Variants in PLEKHA5 observed in about 807,000 individuals in gnomAD.
PLEKHA5 encodes pleckstrin homology domain containing A5.
In PLEKHA5, 55 loss-of-function variants were observed where a neutral mutation model predicts 181.9. The observed-to-expected ratio is 0.30, with a 90% CI of 0.24 to 0.38. The LOEUF (loss-of-function observed/expected upper bound fraction) is 0.38. PLEKHA5 is among the 10% of genes least tolerant of loss of function. PLEKHA5 has a pLI of 1.00. For synonymous variants in PLEKHA5, 535 were observed against 529.4 expected (o/e 1.01, Z -0.15); for missense variants, 1,432 against 1,549.5 (o/e 0.92, Z 1.27).
At chr12:19,352,577 C>CT (rs34607449) in intron 25 of PLEKHA5, among the ~76,000 whole-genome samples, 11,635 of 110,032 alleles carry the variant, frequency 0.11, 598 homozygotes, top group Middle Eastern at 0.14. Context: ...ACAAAGAAGG[C>CT]TTTTTTTTTT....
At chr12:19,190,092 C>A (rs1407624889) in intron 3 of PLEKHA5, among the ~76,000 whole-genome samples, 1 of 152,162 alleles carries the variant, frequency 6.6e-6, no homozygotes. Flanking sequence ...GAGTCTTACT[C>A]TTTGAACTCT....
intron 2 of PLEKHA5, 34 bp from the exon 3 acceptor site, chr12:19,132,359 A>T: frequency 9.9e-7 from 1 of 1,006,136 alleles, no homozygotes; most frequent in Non-Finnish European, 1.6e-6. Context: ...CTATCATTGA[A>T]GTAATACTAA....
chr12:19,239,430 T>C (rs1199093270), intron 3 of PLEKHA5, among the ~76,000 whole-genome samples: 1 of 152,158 alleles, frequency 6.6e-6, no homozygotes, highest in Non-Finnish European at 1.5e-5. Flanking sequence ...CTATTCTGGA[T>C]TGAATTTCTG....
At position 19,130,209 on chromosome 12, in the gene PLEKHA5, G is replaced by A. The variant is rs1400119776; in HGVS notation, c.169+79G>A. ...CGGGCCGCCCGGCTCCCCGCAACCT[G>A]CCCCGCGCCGCGGGCCCCGGGAGGC... On this transcript the variant is annotated intron_variant, in intron 2 of 31. Coordinates refer to ENST00000429027, the MANE Select transcript of PLEKHA5 (RefSeq NM_001256470.2). The surrounding 1 kb of genome is among the most constrained non-coding windows in gnomAD (Gnocchi z 4.5). The A allele has an allele frequency of 5.1e-5, 41 of 808,350 alleles. 1 individual carries two copies. In the East Asian group the frequency reaches 1.3e-3, roughly 26 times the overall value. The allele number at this position is 808,350 out of a possible 1,614,324, so 50.1% of individuals were successfully genotyped here.
chr12:19,280,334 C>T (rs2075777546), intron 11 of PLEKHA5, among the ~76,000 whole-genome samples: 2 of 152,052 alleles, frequency 1.3e-5, no homozygotes, highest in Non-Finnish European at 2.9e-5. Flanking sequence ...CTGCACCCAG[C>T]CTGAAATCTT....
intron 3 of PLEKHA5, among the ~76,000 whole-genome samples, chr12:19,132,773 CTTTTTTTTTT>C (rs59992820): frequency 6.2e-5 from 7 of 112,124 alleles, no homozygotes; most frequent in South Asian, 3.0e-4. Context: ...CCACAATTAC[CTTTTTTTTTT>C]TTTTTTTTTG....
intron 3 of PLEKHA5, among the ~76,000 whole-genome samples, chr12:19,245,432 G>C (rs1352039840): frequency 1.3e-5 from 2 of 152,094 alleles, no homozygotes; most frequent in Non-Finnish European, 2.9e-5. Context: ...ATTGGACATA[G>C]AATCTCATAT....
At chr12:19,189,541 G>C (rs1159303348) in intron 3 of PLEKHA5, among the ~76,000 whole-genome samples, 1 of 152,108 alleles carries the variant, frequency 6.6e-6, no homozygotes, top group South Asian at 2.1e-4. Context: ...AGGGGGTCAG[G>C]GAGGAGTTGT....
At chr12:19,319,838 A>G in intron 16 of PLEKHA5, 183 bp from the exon 17 acceptor site, 1 of 428,488 alleles carries the variant, frequency 2.3e-6, no homozygotes, top group Non-Finnish European at 4.1e-6. Flanking sequence ...TGAAGAAAGG[A>G]TATTTAAGTA....
At chr12:19,219,128 T>G (rs1329132754) in intron 3 of PLEKHA5, among the ~76,000 whole-genome samples, 1 of 152,010 alleles carries the variant, frequency 6.6e-6, no homozygotes, top group East Asian at 1.9e-4. Flanking sequence ...TACAGTATTC[T>G]CAGGATGCAA....
At chr12:19,281,423 A>G (rs1234020032) in intron 11 of PLEKHA5, among the ~76,000 whole-genome samples, 1 of 151,892 alleles carries the variant, frequency 6.6e-6, no homozygotes, top group Non-Finnish European at 1.5e-5. Context: ...CAAAAGTACA[A>G]AAAATTAGCT....
At chr12:19,237,995 C>T (rs755274301) in intron 3 of PLEKHA5, among the ~76,000 whole-genome samples, 3 of 151,944 alleles carry the variant, frequency 2.0e-5, no homozygotes, top group African/African-American at 7.2e-5. Context: ...CAAAGTCTTA[C>T]ATTTTGCTAT....
chr12:19,300,366 T>G (rs760184283), intron 15 of PLEKHA5, among the ~76,000 whole-genome samples: 2 of 152,228 alleles, frequency 1.3e-5, no homozygotes, highest in African/African-American at 2.4e-5. Flanking sequence ...AAACAAAATG[T>G]CCCTACCTAT....
At chr12:19,312,636 C>T (rs2086974227) in intron 15 of PLEKHA5, among the ~76,000 whole-genome samples, 1 of 152,172 alleles carries the variant, frequency 6.6e-6, no homozygotes, top group African/African-American at 2.4e-5. Flanking sequence ...AGAGTTAGGG[C>T]CTTGCTCTGG....
chr12:19,257,834 A>G (rs1428960491), intron 6 of PLEKHA5, among the ~76,000 whole-genome samples: 1 of 152,172 alleles, frequency 6.6e-6, no homozygotes, highest in Non-Finnish European at 1.5e-5. Flanking sequence ...GTATCCAGAC[A>G]GAAATATTTT....
intron 15 of PLEKHA5, among the ~76,000 whole-genome samples, chr12:19,306,089 C>T (rs1345775171): frequency 6.6e-6 from 1 of 151,586 alleles, no homozygotes; most frequent in Non-Finnish European, 1.5e-5. Context: ...AAAAAAAAAA[C>T]AAGTTATTCG....
intron 25 of PLEKHA5, among the ~76,000 whole-genome samples, chr12:19,349,774 C>A (rs1420687975): frequency 1.3e-5 from 2 of 151,062 alleles, no homozygotes; most frequent in African/African-American, 4.9e-5. Context: ...GAAATGGAAA[C>A]TCTACCAGCC....
chr12:19,200,509 A>G (rs935770834), intron 3 of PLEKHA5: 422 of 1,361,702 alleles, frequency 3.1e-4, no homozygotes, highest in Non-Finnish European at 2.8e-4. Context: ...AAATGTTCCA[A>G]ATCTTTGATT....
chr12:19,339,714 G>A (rs958077278), intron 21 of PLEKHA5, among the ~76,000 whole-genome samples: 1 of 151,888 alleles, frequency 6.6e-6, no homozygotes, highest in African/African-American at 2.4e-5. Context: ...AGAATGAGAA[G>A]TCATACTCTA....
Sources: allele counts gnomAD v4.1 joint callset (sites outside exome capture counted in the v4.1 genomes callset), GRCh38; gene constraint gnomAD v4.1.1; non-coding constraint Gnocchi (gnomAD v3.1); transcripts MANE v1.5; gene names NCBI Gene and HGNC (gene_info 2026-07-23, HGNC 2026-07-21).